The following DCUN1D1 variants were observed in gnomAD, a reference collection of about 807,000 sequenced individuals.
DCUN1D1 encodes the protein defective in cullin neddylation 1 domain containing 1.
DCUN1D1 carries 3 observed loss-of-function variants against 39.0 expected under a neutral mutation model. That is an observed-to-expected ratio of 0.08 (90% CI 0.04 to 0.20). The LOEUF is 0.20. Among genes scored for constraint, DCUN1D1 ranks in the 10% least tolerant of loss-of-function variants. The pLI is 1.00. For synonymous variants in DCUN1D1, 82 were observed against 96.3 expected (o/e 0.85, Z 0.87); for missense variants, 158 against 302.4 (o/e 0.52, Z 3.54).
At chr3:182,953,036 A>C (rs1726837237) in intron 4 of DCUN1D1, among the ~76,000 whole-genome samples, 1 of 152,234 alleles carries the variant, frequency 6.6e-6, no homozygotes, top group African/African-American at 2.4e-5. Context: ...ACTCACTTGC[A>C]GTTCCTCAAA....
chr3:182,953,868 G>C (rs1411647229), intron 4 of DCUN1D1, among the ~76,000 whole-genome samples: 2 of 152,134 alleles, frequency 1.3e-5, no homozygotes, highest in African/African-American at 4.8e-5. Context: ...AATGCAAACA[G>C]AGATACTCCC....
At chr3:182,970,878 T>C (rs1436115693) in intron 1 of DCUN1D1, among the ~76,000 whole-genome samples, 1 of 152,194 alleles carries the variant, frequency 6.6e-6, no homozygotes, top group Non-Finnish European at 1.5e-5. Context: ...TCCAATAGAC[T>C]ACAGGTCCGA....
intron 4 of DCUN1D1, chr3:182,955,591 T>C: frequency 8.2e-6 from 2 of 245,268 alleles, no homozygotes; most frequent in East Asian, 8.8e-5. Flanking sequence ...ATCAGGAGGG[T>C]TTTTTTTTTT....
chr3:182,961,461 T>TAA (rs1727391939), intron 3 of DCUN1D1, 105 bp from the exon 4 acceptor site: 10 of 1,066,530 alleles, frequency 9.4e-6, no homozygotes, highest in Middle Eastern at 2.6e-4. Flanking sequence ...ACTACTTTTT[T>TAA]AAAAATCAAA....
At chr3:182,951,700 T>C (rs1257175336) in intron 4 of DCUN1D1, among the ~76,000 whole-genome samples, 1 of 147,708 alleles carries the variant, frequency 6.8e-6, no homozygotes, top group African/African-American at 2.5e-5. Context: ...TAATTTCTTT[T>C]TTTTTTTTTT....
chr3:182,967,900 C>A (rs1560176980), intron 1 of DCUN1D1, among the ~76,000 whole-genome samples: 1 of 152,164 alleles, frequency 6.6e-6, no homozygotes, highest in Non-Finnish European at 1.5e-5. Flanking sequence ...ACTCAGTATA[C>A]CTTTCTCCCT....
At position 182,940,090 on chromosome 3, in the gene DCUN1D1, ACT is replaced by A. The variant is rs1233191879; in HGVS notation, c.*5002_*5003del. ...AGTCATGTAATTATGTGACAAAATC[ACT>A]GTTAACGATTTAATTAGCATTGTCC... is the stretch of plus-strand genomic sequence containing the variant. On this transcript the variant is annotated 3_prime_UTR_variant, in exon 7 of 7. Coordinates refer to ENST00000292782, the MANE Select transcript of DCUN1D1 (RefSeq NM_020640.4). The A allele has an allele frequency of 6.6e-6, 1 of 152,150 alleles. No individual in the cohort carries two copies. Among genetic ancestry groups the A allele is most frequent in the East Asian group, 1.9e-4 (1 of 5,200 alleles). 9.4% of individuals were successfully genotyped at this position (152,150 alleles called of 1,614,324 possible).
intron 6 of DCUN1D1, among the ~76,000 whole-genome samples, chr3:182,945,929 T>A (rs1048759714): frequency 1.3e-5 from 2 of 152,136 alleles, no homozygotes; most frequent in Non-Finnish European, 2.9e-5. Context: ...CAGGGAAGAT[T>A]ATAAACGACA....
chr3:182,982,355 C>T (rs908948065), upstream of DCUN1D1, among the ~76,000 whole-genome samples: 1 of 152,178 alleles, frequency 6.6e-6, no homozygotes, highest in African/African-American at 2.4e-5. Context: ...AACTACTGCC[C>T]ATATCAAGAG....
chr3:182,957,819 T>G, intron 4 of DCUN1D1, among the ~76,000 whole-genome samples: 1 of 146,070 alleles, frequency 6.8e-6, no homozygotes, highest in East Asian at 2.1e-4. Flanking sequence ...CCCTATATAG[T>G]TCCAGCTACT....
rs952017879 is a variant in DCUN1D1, at chr3:182,943,094, T to C, written c.*2000A>G. The C allele has an allele frequency of 2.4e-5, 3 of 127,482 alleles. No homozygotes were observed. The highest frequency in any genetic ancestry group is 9.0e-5 in the African/African-American group (3 of 33,306). The allele number at this position is 127,482 out of a possible 1,614,324, so 7.9% of individuals were successfully genotyped here. Reference sequence around the variant, plus strand: ...CTAGGCCACGAACCAATATGACTTTTAAAGAAAACACTTTATATTGAAAAA... The same window carrying C: ...CTAGGCCACGAACCAATATGACTTTCAAAGAAAACACTTTATATTGAAAAA... On this transcript the variant is annotated 3_prime_UTR_variant, in exon 7 of 7. Coordinates refer to ENST00000292782, the MANE Select transcript of DCUN1D1 (RefSeq NM_020640.4).
At chr3:182,949,010 T>A (rs1577160096) in intron 4 of DCUN1D1, among the ~76,000 whole-genome samples, 3 of 141,634 alleles carry the variant, frequency 2.1e-5, no homozygotes, top group Admixed American at 1.5e-4. Flanking sequence ...ATCACACCAC[T>A]CCACTCCAGT....
chr3:182,949,522 C>T (rs1726596044), intron 4 of DCUN1D1, among the ~76,000 whole-genome samples: 1 of 152,154 alleles, frequency 6.6e-6, no homozygotes, highest in South Asian at 2.1e-4. Flanking sequence ...GAGTTCAAGA[C>T]CAGCCTGGGC....
rs1444531372 is a variant in DCUN1D1, at chr3:182,943,258, T to C, written c.*1836A>G. On this transcript the variant is annotated 3_prime_UTR_variant, in exon 7 of 7. Coordinates refer to ENST00000292782, the MANE Select transcript of DCUN1D1 (RefSeq NM_020640.4). ...GTACATATATATAGATATATAGATA[T>C]ATATATCTTTTAAAAATTTTTCATA... 4.0e-5 allele frequency: 6 copies of C among 148,660 alleles called. No individual in the cohort carries two copies. The East Asian group carries it at 5.9e-4, about 15-fold the overall frequency. 9.2% of individuals were successfully genotyped at this position (148,660 alleles called of 1,614,324 possible).
chr3:182,964,214 T>C (rs989238659), intron 2 of DCUN1D1, among the ~76,000 whole-genome samples, 165 bp from the exon 3 acceptor site: 1 of 152,218 alleles, frequency 6.6e-6, no homozygotes, highest in Non-Finnish European at 1.5e-5. Context: ...AAAGCCATTC[T>C]CCTTACTAAC....
intron 1 of DCUN1D1, 78 bp downstream of exon 1, chr3:182,980,409 G>A (rs1377214592): frequency 2.2e-4 from 217 of 994,026 alleles, no homozygotes; most frequent in Non-Finnish European, 2.5e-4. Context: ...GCCGCGGGAC[G>A]GAGGGCGGCC....
intron 1 of DCUN1D1, among the ~76,000 whole-genome samples, chr3:182,971,752 C>T (rs1286784406): frequency 6.6e-6 from 1 of 152,150 alleles, no homozygotes; most frequent in Non-Finnish European, 1.5e-5. Flanking sequence ...CTTTCAGCAT[C>T]ATTTATTTAC....
chr3:182,951,617 C>CCA (rs1726746100), intron 4 of DCUN1D1, among the ~76,000 whole-genome samples: 5 of 44,384 alleles, frequency 1.1e-4, no homozygotes, highest in Non-Finnish European at 1.9e-4. Context: ...CCCTGTCTCC[C>CCA]AAAAAAAAAA....
At chr3:182,975,477 A>C (rs1056130896) in intron 1 of DCUN1D1, among the ~76,000 whole-genome samples, 4 of 152,114 alleles carry the variant, frequency 2.6e-5, no homozygotes, top group Admixed American at 2.6e-4. Context: ...CGCCCAGCCA[A>C]AAATTAACAC....
Sources: allele counts gnomAD v4.1 joint callset (sites outside exome capture counted in the v4.1 genomes callset), GRCh38; gene constraint gnomAD v4.1.1; transcripts MANE v1.5; gene names NCBI Gene and HGNC (gene_info 2026-07-23, HGNC 2026-07-21).